IST1: variants seen among roughly 807,000 people sequenced by gnomAD.
IST1 encodes the protein IST1 homolog.
In IST1, 23 loss-of-function variants were observed where a neutral mutation model predicts 37.0. The ratio of observed to expected loss-of-function variants is 0.62; its 90% CI spans 0.45 to 0.88. IST1 has a LOEUF of 0.88. Ranked by LOEUF, IST1 falls within the 40% of genes least tolerant of loss-of-function variation. The pLI, the probability that IST1 is intolerant of heterozygous loss-of-function variation, is 0.00. For missense variants in IST1, 488 were observed against 445.4 expected, an observed-to-expected ratio of 1.10 and a Z score of -0.86; for synonymous variants, 180 against 161.7, an observed-to-expected ratio of 1.11 and a Z score of -0.86.
At chr16:71,925,011 ATT>A (rs539063040) in intron 9 of IST1, among the ~76,000 whole-genome samples, 194 bp downstream of exon 9, 27 of 132,272 alleles carry the variant, frequency 2.0e-4, no homozygotes, top group Admixed American at 2.3e-4. Context: ...TAGCTCAGTG[ATT>A]TTTTTTTTTT....
chr16:71,894,491 C>T, upstream of IST1: 1 of 206,902 alleles, frequency 4.8e-6, no homozygotes, highest in South Asian at 7.5e-5. Context: ...GGTGATACAC[C>T]TGCCTCGGCC....
At chr16:71,921,094 T>A (rs1251813287) in intron 5 of IST1, 6 of 598,456 alleles carry the variant, frequency 1.0e-5, no homozygotes, top group Non-Finnish European at 1.5e-5. Context: ...GAAGGGTGGA[T>A]GAATTGAACT....
chr16:71,912,682 T>C (rs2037384192), intron 1 of IST1, among the ~76,000 whole-genome samples: 1 of 152,222 alleles, frequency 6.6e-6, no homozygotes, highest in Admixed American at 6.5e-5. Context: ...TAGTGTGTAC[T>C]CACATCGTTG....
At chr16:71,915,772 C>G (rs1046238329) in intron 2 of IST1, 44 bp downstream of exon 2, 1 of 1,191,734 alleles carries the variant, frequency 8.4e-7, no homozygotes, top group Non-Finnish European at 1.2e-6. Flanking sequence ...TCACTGGATA[C>G]TAGCACCCCA....
intron 1 of IST1, among the ~76,000 whole-genome samples, chr16:71,902,469 C>T (rs541809773): frequency 6.6e-6 from 1 of 152,244 alleles, no homozygotes; most frequent in Admixed American, 6.6e-5. Flanking sequence ...GGGGTTTCAC[C>T]ATGTTGGCCA....
At chr16:71,921,303 G>T (rs1293031199) in intron 5 of IST1, 40 bp from the exon 6 acceptor site, 2 of 1,181,322 alleles carry the variant, frequency 1.7e-6, no homozygotes, top group Non-Finnish European at 2.5e-6. Flanking sequence ...TAGGCTGGTT[G>T]GTATACATGC....
Position 71,924,808 on chromosome 16 carries a change from C to A in IST1, c.892C>A (p.Gln298Lys). The change falls in exon 9 of 10, where the codon CAG becomes AAG. Residue 298 changes from glutamine (Q) to lysine (K), a missense_variant. Gln to Lys is a moderately conservative substitution (Grantham distance 53, BLOSUM62 1). Transcript: ENST00000378799. ...TGCTGATAAGAATATCTCTTCTGCA[C>A]AGATTGTTGGTGAGTAGTATCAATC... ...INADKNISSA[Q>K]IVGPGPKPEA... 6.2e-7 allele frequency: 1 copy of A among 1,607,216 alleles called. No individual in the cohort carries two copies. Among genetic ancestry groups the A allele is most frequent in the Non-Finnish European group, 8.5e-7 (1 of 1,173,658 alleles).
In IST1 at chr16:71,895,549, T is replaced by C. The variant is rs1447761533; in HGVS notation, c.-56T>C. 31 of 985,590 alleles carry C rather than the reference T, an allele frequency of 3.1e-5. No individual in the cohort carries two copies. Among genetic ancestry groups the C allele is most frequent in the African/African-American group, 3.5e-5 (2 of 57,244 alleles). 61.1% of individuals were successfully genotyped at this position (985,590 alleles called of 1,614,324 possible). On this transcript the variant is annotated 5_prime_UTR_variant, in exon 1 of 10. Coordinates refer to ENST00000378799, the MANE Select transcript of IST1 (RefSeq NM_001270975.2). ...AGTCGCCATTTTGGATGGTGAACCC[T>C]GAAGTCGGTGTCTGCTGCGTTCACG... is the stretch of plus-strand genomic sequence containing the variant.
chr16:71,921,462 A>T lies in IST1; in HGVS notation c.552+9A>T, dbSNP rs1415237072. 1 of 1,523,632 alleles carries T rather than the reference A, an allele frequency of 6.6e-7. No individual in the cohort carries two copies. 94.4% of individuals were successfully genotyped at this position (1,523,632 alleles called of 1,614,324 possible). The stretch of plus-strand genomic sequence containing the variant: ...CTGACTCTGTGGTCATGGTAAGTTT[A>T]TCCCAGAATACAAAGAAAAATGAGT... On this transcript the variant is annotated intron_variant, in intron 6 of 9. Coordinates refer to ENST00000378799, the MANE Select transcript of IST1 (RefSeq NM_001270975.2).
intron 1 of IST1, among the ~76,000 whole-genome samples, chr16:71,896,173 G>A (rs756143504): frequency 2.0e-5 from 3 of 152,104 alleles, no homozygotes; most frequent in East Asian, 3.9e-4. Flanking sequence ...TCGGATCCCT[G>A]CGTGTGTAGT....
chr16:71,916,388 T>TG, intron 2 of IST1, 74 bp from the exon 3 acceptor site: 1 of 1,428,962 alleles, frequency 7.0e-7, no homozygotes. Flanking sequence ...TTCTTCCTGT[T>TG]GGGGGGAGAT....
In IST1 at chr16:71,930,036, T is replaced by C. The variant is rs1406548852; in HGVS notation, c.*2223T>C. ...AGTGATATAACAGCATGCTAGTTTA[T>C]CTTTTAGTTACCTACCTTAAGCGAC... On this transcript the variant is annotated 3_prime_UTR_variant, in exon 10 of 10. Coordinates refer to ENST00000378799, the MANE Select transcript of IST1 (RefSeq NM_001270975.2). 3.2e-6 allele frequency: 5 copies of C among 1,544,138 alleles called. No individual in the cohort carries two copies. Among genetic ancestry groups the C allele is most frequent in the South Asian group, 2.4e-5 (2 of 83,350 alleles).
At chr16:71,918,802 ATAAAT>A (rs1015500136) in intron 4 of IST1, among the ~76,000 whole-genome samples, 3 of 152,240 alleles carry the variant, frequency 2.0e-5, no homozygotes, top group African/African-American at 4.8e-5. Context: ...AAACAGAGTG[ATAAAT>A]TAATGTGAAT....
intron 1 of IST1, among the ~76,000 whole-genome samples, chr16:71,899,178 G>T (rs1339673779): frequency 5.9e-5 from 9 of 151,680 alleles, no homozygotes; most frequent in Non-Finnish European, 8.8e-5. Context: ...TGATCTTACA[G>T]TTTTTTTTTT....
chr16:71,909,250 G>A (rs1406032282), intron 1 of IST1, among the ~76,000 whole-genome samples: 1 of 151,858 alleles, frequency 6.6e-6, no homozygotes, highest in African/African-American at 2.4e-5. Context: ...TAGGACTACA[G>A]GCGTGCACCC....
intron 1 of IST1, among the ~76,000 whole-genome samples, chr16:71,909,742 C>T (rs559926153): frequency 2.6e-5 from 4 of 152,268 alleles, no homozygotes; most frequent in East Asian, 1.9e-4. Context: ...AATGAAAACT[C>T]GAGAATAACG....
chr16:71,900,507 G>C (rs1034579422), intron 1 of IST1, among the ~76,000 whole-genome samples: 3 of 151,876 alleles, frequency 2.0e-5, no homozygotes, highest in Non-Finnish European at 4.4e-5. Context: ...ATTCAGGATG[G>C]GGAGGCTAAC....
chr16:71,904,244 C>T (rs1366178478), intron 1 of IST1, among the ~76,000 whole-genome samples: 2 of 152,224 alleles, frequency 1.3e-5, no homozygotes, highest in African/African-American at 4.8e-5. Context: ...CTGCCTCAGC[C>T]TCCCAAGTAG....
intron 9 of IST1, among the ~76,000 whole-genome samples, chr16:71,927,195 GCC>G: frequency 6.6e-6 from 1 of 152,102 alleles, no homozygotes; most frequent in Middle Eastern, 3.2e-3. Context: ...ATGTTTATTA[GCC>G]TCTAGAATTA....
Sources: allele counts gnomAD v4.1 joint callset (sites outside exome capture counted in the v4.1 genomes callset), GRCh38; gene constraint gnomAD v4.1.1; transcripts MANE v1.5; gene names NCBI Gene and HGNC (gene_info 2026-07-23, HGNC 2026-07-21).